ZBTB20: variants seen among roughly 807,000 people sequenced by gnomAD.
ZBTB20 encodes zinc finger and BTB domain-containing protein 20.
In ZBTB20, 9 loss-of-function variants were observed where a neutral mutation model predicts 56.9. The observed-to-expected ratio is 0.16, with a 90% CI of 0.10 to 0.28. The LOEUF is 0.28. Ranked by LOEUF, ZBTB20 falls within the 10% of genes least tolerant of loss-of-function variation. The pLI, the probability that ZBTB20 is intolerant of heterozygous loss-of-function variation, is 1.00. For synonymous variants in ZBTB20, 417 were observed against 420.7 expected (o/e 0.99, Z 0.11); for missense variants, 655 against 1,003.0 (o/e 0.65, Z 4.69).
At chr3:114,396,337 C>T (rs1002570515) in intron 7 of ZBTB20, among the ~76,000 whole-genome samples, 1 of 152,286 alleles carries the variant, frequency 6.6e-6, no homozygotes, top group African/African-American at 2.4e-5. Context: ...CCAGATAACA[C>T]ACTCTGTCAC....
At chr3:114,863,324 G>T (rs926802303) in intron 4 of ZBTB20, among the ~76,000 whole-genome samples, 3 of 152,020 alleles carry the variant, frequency 2.0e-5, no homozygotes, top group African/African-American at 7.2e-5. Flanking sequence ...TATTCATATT[G>T]CCAGTTCTTA....
chr3:114,912,538 T>C (rs1208004921), intron 3 of ZBTB20, among the ~76,000 whole-genome samples: 3 of 151,996 alleles, frequency 2.0e-5, no homozygotes, highest in Non-Finnish European at 2.9e-5. Flanking sequence ...AGGCACATAA[T>C]GCCTAATAAT....
chr3:114,748,599 A>C (rs778260359), intron 5 of ZBTB20, among the ~76,000 whole-genome samples: 10 of 152,048 alleles, frequency 6.6e-5, no homozygotes, highest in Admixed American at 3.3e-4. Flanking sequence ...TTTGGGGTGC[A>C]ATCTGGTGAA....
chr3:114,475,649 C>T (rs1463708449), intron 7 of ZBTB20, among the ~76,000 whole-genome samples: 6 of 151,840 alleles, frequency 4.0e-5, no homozygotes, highest in South Asian at 2.1e-4. Context: ...ATAAAAACTA[C>T]GAAAAGAAGG....
chr3:115,101,828 A>T (rs1174916824), intron 1 of ZBTB20, among the ~76,000 whole-genome samples: 1 of 152,250 alleles, frequency 6.6e-6, no homozygotes, highest in Non-Finnish European at 1.5e-5. Flanking sequence ...TTCAAAAATT[A>T]GAATATGTCC....
chr3:114,509,320 C>G (rs1345726030), intron 6 of ZBTB20, among the ~76,000 whole-genome samples: 2 of 151,976 alleles, frequency 1.3e-5, no homozygotes, highest in Non-Finnish European at 2.9e-5. Context: ...TGTTTTAATG[C>G]CTCTACTTAG....
chr3:114,738,769 C>A (rs1455446727), intron 5 of ZBTB20, among the ~76,000 whole-genome samples: 1 of 152,132 alleles, frequency 6.6e-6, no homozygotes, highest in East Asian at 1.9e-4. Context: ...TATTTGTATT[C>A]TTTCCTAAAA....
At position 114,751,419 on chromosome 3, in the gene ZBTB20, G is replaced by A. The variant is rs1287761422; in HGVS notation, c.-343+49682C>T. Among the ~76,000 whole-genome samples the A allele has an allele frequency of 2.0e-5, 3 of 152,038 alleles. 1 individual carries two copies. Among genetic ancestry groups the A allele is most frequent in the South Asian group, 2.1e-4 (1 of 4,820 alleles). On this transcript the variant is annotated intron_variant, in intron 5 of 11. Transcript: ENST00000675478. ...CACTTAAACTTCCACGTAACACCTG[G>A]ATTGACGTATGCTTTTTCTTACAAA...
At chr3:114,723,571 T>TA (rs1206664047) in intron 5 of ZBTB20, among the ~76,000 whole-genome samples, 2 of 152,144 alleles carry the variant, frequency 1.3e-5, no homozygotes, top group African/African-American at 4.8e-5. Context: ...TGAAGCTCTG[T>TA]AAAAAATCAG....
chr3:115,139,882 C>A (rs1032267923), intron 1 of ZBTB20, among the ~76,000 whole-genome samples: 3 of 151,896 alleles, frequency 2.0e-5, no homozygotes, highest in Non-Finnish European at 4.4e-5. Flanking sequence ...TATACTTACC[C>A]ACTATGAAAG....
chr3:115,074,094 T>C (rs2082511599), intron 1 of ZBTB20, among the ~76,000 whole-genome samples: 1 of 152,144 alleles, frequency 6.6e-6, no homozygotes, highest in South Asian at 2.1e-4. Flanking sequence ...AATAATCTAA[T>C]TATTTTCAGC....
intron 1 of ZBTB20, among the ~76,000 whole-genome samples, chr3:115,132,310 T>C (rs1291377313): frequency 6.6e-6 from 1 of 152,172 alleles, no homozygotes; most frequent in African/African-American, 2.4e-5. Context: ...ATTTTCCCAT[T>C]GGGAAAAAAA....
chr3:114,927,252 T>C (rs1352905496), intron 3 of ZBTB20, among the ~76,000 whole-genome samples: 2 of 152,178 alleles, frequency 1.3e-5, no homozygotes, highest in African/African-American at 2.4e-5. Context: ...CCACTTTGAG[T>C]TGTCCTGCTT....
chr3:114,564,957 T>C (rs552816268), intron 6 of ZBTB20, among the ~76,000 whole-genome samples: 1 of 152,158 alleles, frequency 6.6e-6, no homozygotes, highest in Non-Finnish European at 1.5e-5. Context: ...TTACCTAAAA[T>C]ATCTGCTTGC....
At chr3:114,710,819 T>TA (rs2064025543) in intron 5 of ZBTB20, among the ~76,000 whole-genome samples, 1 of 152,148 alleles carries the variant, frequency 6.6e-6, no homozygotes, top group Non-Finnish European at 1.5e-5. Flanking sequence ...CATACATGCT[T>TA]AAAAAAATCC....
intron 4 of ZBTB20, among the ~76,000 whole-genome samples, chr3:114,812,576 T>C (rs1234368473): frequency 6.6e-6 from 1 of 152,100 alleles, no homozygotes; most frequent in South Asian, 2.1e-4. Context: ...TACAATCCCT[T>C]AGCTAGACAT....
chr3:114,351,255 C>A lies in ZBTB20; in HGVS notation c.823G>T (p.Gly275Cys). 1 of 1,600,708 alleles carries A rather than the reference C, an allele frequency of 6.2e-7. No homozygotes were observed. Among genetic ancestry groups the A allele is most frequent in the Non-Finnish European group, 8.5e-7 (1 of 1,178,320 alleles). The change falls in exon 11 of 12, where the codon GGC becomes TGC. Residue 275 changes from glycine (G) to cysteine (C), a missense_variant. By Grantham distance (159) the Gly-to-Cys change is radical (BLOSUM62 -3). Around this residue, in one of 10 missense-constraint regions of ZBTB20, gnomAD observed 167 missense variants for 281.9 expected, o/e 0.59. Coordinates refer to ENST00000675478, the MANE Select transcript of ZBTB20 (RefSeq NM_001348800.3). ...AVVSHHETAL[G>C]LPRDHHMEDP... The stretch of plus-strand genomic sequence containing the variant: ...TCCATGTGGTGGTCGCGGGGCAGGC[C>A]GAGCGCAGTCTCGTGGTGGCTGACC...
chr3:114,541,656 T>G (rs1416920860), intron 6 of ZBTB20, among the ~76,000 whole-genome samples: 1 of 152,156 alleles, frequency 6.6e-6, no homozygotes. Context: ...TGGACTGTGA[T>G]AGTACCTACA....
rs543288446 is a variant in ZBTB20 at position 114,975,909 on chromosome 3, G to C, written c.-506-1493C>G. Among the ~76,000 whole-genome samples, 15 of 152,198 alleles carry C rather than the reference G, an allele frequency of 9.9e-5. 1 individual carries two copies. The South Asian group carries it at 2.1e-3, about 21-fold the overall frequency. ...TTTTTCACTGTAACCCCATTTTCTT[G>C]AATAGTGCCTGCCATATACTAGGAT... is the stretch of plus-strand genomic sequence containing the variant. On this transcript the variant is annotated intron_variant, in intron 2 of 11. Transcript: ENST00000675478.
Sources: gnomAD v4.1 joint callset for allele counts (sites outside exome capture counted in the v4.1 genomes callset) on GRCh38, gnomAD v4.1.1 for gene constraint, gnomAD v4.1.1 regional missense constraint, MANE v1.5 for transcripts, NCBI Gene and HGNC (gene_info 2026-07-23, HGNC 2026-07-21) for gene names.